Variants in MYO1C observed in about 807,000 individuals in gnomAD.
MYO1C encodes unconventional myosin-Ic.
MYO1C carries 104 observed loss-of-function variants against 150.8 expected under a neutral mutation model. That is an observed-to-expected ratio of 0.69 (90% CI 0.59 to 0.81). The LOEUF (loss-of-function observed/expected upper bound fraction) is 0.81, where lower values mean the gene tolerates loss of function less well. Among genes scored for constraint, MYO1C ranks in the 30% least tolerant of loss-of-function variants. MYO1C has a pLI of 0.00. For synonymous variants in MYO1C, 663 were observed against 579.9 expected (o/e 1.14, Z -2.06); for missense variants, 1,504 against 1,435.0 (o/e 1.05, Z -0.78).
In MYO1C at chr17:1,474,991, C is replaced by G; in HGVS notation, c.1616G>C (p.Arg539Pro). The G allele has an allele frequency of 6.4e-7, 1 of 1,556,956 alleles. No individual in the cohort carries two copies. The highest frequency in any genetic ancestry group is 8.7e-7 in the Non-Finnish European group (1 of 1,149,874). ...ADQRTRKSLG[R>P]GEFRLLHYAG... is the part of the protein sequence containing the mutation. ...ATAGTGCAGAAGGCGGAATTCCCCT[C>G]GGCCCAGAGATTTCCTGGTCCGCTG... The change falls in exon 15 of 32, where the codon CGA (arginine) becomes CCA (proline). Residue 539 changes from arginine to proline, a missense_variant. Arg to Pro is a moderately radical substitution (Grantham distance 103). Transcript: ENST00000648651.
At chr17:1,475,278 G>A (rs1434672160) in intron 14 of MYO1C, among the ~76,000 whole-genome samples, 3 of 152,182 alleles carry the variant, frequency 2.0e-5, no homozygotes, top group African/African-American at 7.2e-5. Flanking sequence ...AATTAGCCAG[G>A]CGTGGTGGTG....
At chr17:1,476,028 G>A (rs1166734949) in intron 14 of MYO1C, among the ~76,000 whole-genome samples, 1 of 152,214 alleles carries the variant, frequency 6.6e-6, no homozygotes, top group Non-Finnish European at 1.5e-5. Flanking sequence ...GCCTTTGGGC[G>A]ACGGGATCAC....
At chr17:1,476,669 A>G (rs997449503) in intron 14 of MYO1C, among the ~76,000 whole-genome samples, 2 of 152,192 alleles carry the variant, frequency 1.3e-5, no homozygotes, top group African/African-American at 4.8e-5. Context: ...CGACATGCAC[A>G]GCATGCATCA....
At chr17:1,475,388 C>CA (rs150952126) in intron 14 of MYO1C, among the ~76,000 whole-genome samples, 3,728 of 147,056 alleles carry the variant, frequency 0.025, 142 homozygotes, top group African/African-American at 0.085. Flanking sequence ...CACTACACTC[C>CA]AAAAAAAAAA....
Position 1,470,225 on chromosome 17 carries a change from G to A in MYO1C, c.2476C>T (p.Gln826Ter), listed in dbSNP as rs373290454. Residue 826 changes from glutamine to a stop codon, truncating the protein, a stop_gained, in exon 24 of 32, where the codon CAG (glutamine) becomes TAG (stop). Transcript: ENST00000648651. LOFTEE classifies it high-confidence loss of function. Reference sequence around the variant, plus strand: ...GGCCACGAGGTGTCCAGGACATTCTGGGGCAGCTGCCGCCTCAGGTTTAGC... The same window carrying A: ...GGCCACGAGGTGTCCAGGACATTCTAGGGCAGCTGCCGCCTCAGGTTTAGC... ...FLLNLRRQLP[Q>*]NVLDTSWPTP... is the part of the protein sequence containing the mutation. The A allele has an allele frequency of 4.3e-6, 7 of 1,610,772 alleles. No homozygotes were observed. Among genetic ancestry groups the A allele is most frequent in the South Asian group, 3.3e-5 (3 of 90,696 alleles).
At chr17:1,477,847 C>T (rs1337509863) in intron 13 of MYO1C, 44 bp downstream of exon 13, 3 of 1,554,126 alleles carry the variant, frequency 1.9e-6, no homozygotes, top group African/African-American at 2.7e-5. Context: ...GACATCCTCC[C>T]ACCCAGCCTC....
chr17:1,478,280 G>C lies in MYO1C; in HGVS notation c.1296-88C>G. 7 of 1,555,710 alleles carry C rather than the reference G, an allele frequency of 4.5e-6. No individual in the cohort carries two copies. The highest frequency in any genetic ancestry group is 6.2e-6 in the Non-Finnish European group (7 of 1,127,986). ...AGCTGGACGACGCCCCTGAGCACAG[G>C]AGGTGAGAAACACAGAGACAGTCCC... On this transcript the variant is annotated intron_variant, in intron 11 of 31. Coordinates refer to ENST00000648651, the MANE Select transcript of MYO1C (RefSeq NM_001080779.2). This position sits in a 1 kb window ranked among gnomAD's most constrained non-coding sequence, Gnocchi z 6.3.
chr17:1,472,343 C>T (rs2074322526), intron 17 of MYO1C, 115 bp from the exon 18 acceptor site: 1 of 837,146 alleles, frequency 1.2e-6, no homozygotes, highest in South Asian at 1.6e-5. Context: ...CTGATTCTGC[C>T]TGGTCCTTAC....
intron 7 of MYO1C, 55 bp downstream of exon 7, chr17:1,480,472 A>G (rs1598339789): frequency 3.5e-6 from 5 of 1,408,724 alleles, no homozygotes; most frequent in Non-Finnish European, 4.0e-6. Context: ...CAAAAAAAAA[A>G]GGAGATTTTG....
Position 1,465,480 on chromosome 17 carries a change from AGGGCTGGCATGGCTCGCTCT to A in MYO1C, c.*226_*245del, listed in dbSNP as rs1002416367. 34 of 395,084 alleles carry A rather than the reference AGGGCTGGCATGGCTCGCTCT, an allele frequency of 8.6e-5. No homozygotes were observed. Among genetic ancestry groups the A allele is most frequent in the African/African-American group, 6.2e-4 (30 of 48,660 alleles). The allele number at this position is 395,084 out of a possible 1,614,324, so 24.5% of individuals were successfully genotyped here. On this transcript the variant is annotated 3_prime_UTR_variant, in exon 32 of 32. Coordinates refer to ENST00000648651, the MANE Select transcript of MYO1C (RefSeq NM_001080779.2). ...CTCTCAAATATTTGGCATCGGCAGTAGGGCTGGCATGGCTCGCTCTGGCCCTGGCTTTCCTATTGCTGTGG... is the reference window on the plus strand; with the variant it reads ...CTCTCAAATATTTGGCATCGGCAGTAGGCCCTGGCTTTCCTATTGCTGTGG...
intron 14 of MYO1C, among the ~76,000 whole-genome samples, chr17:1,477,063 T>C (rs564820435): frequency 6.6e-6 from 1 of 151,914 alleles, no homozygotes; most frequent in Non-Finnish European, 1.5e-5. Context: ...CGTTTTGAAC[T>C]CCTAACCTAA....
At chr17:1,467,125 G>C in intron 31 of MYO1C, 117 bp downstream of exon 31, 1 of 948,428 alleles carries the variant, frequency 1.1e-6, no homozygotes, top group East Asian at 2.6e-5. Flanking sequence ...TGGAAGAGGT[G>C]GTATGATGGC....
Position 1,467,509 on chromosome 17 carries a change from G to C in MYO1C, c.3036C>G (p.Arg1012=). 1 of 1,613,204 alleles carries C rather than the reference G, an allele frequency of 6.2e-7. No individual in the cohort carries two copies. Among genetic ancestry groups the C allele is most frequent in the East Asian group, 2.2e-5 (1 of 44,832 alleles). Residue 1012 remains arginine (R), a synonymous_variant, in exon 30 of 32, where the codon CGC becomes CGG. Transcript: ENST00000648651. ...TLTKTALSAN[R]VNSININQGS... is the part of the protein sequence containing the mutation. ...CCTGGTTGATGTTGATGCTGTTCAC[G>C]CGGTTGGCACTGAGGGCTGTCTTGG...
chr17:1,470,005 C>T (rs777563527), intron 24 of MYO1C, among the ~76,000 whole-genome samples, 170 bp downstream of exon 24: 1 of 151,658 alleles, frequency 6.6e-6, no homozygotes, highest in Non-Finnish European at 1.5e-5. Context: ...ACTCCCTGGG[C>T]GAAAGTGTGA....
intron 3 of MYO1C, 150 bp from the exon 4 acceptor site, chr17:1,483,209 T>C (rs887424549): frequency 1.3e-6 from 1 of 782,252 alleles, no homozygotes; most frequent in South Asian, 1.8e-5. Context: ...GTGTGGGCCA[T>C]GGGAGATCCG....
intron 1 of MYO1C, chr17:1,491,378 C>G (rs985610280): frequency 1.3e-5 from 2 of 158,786 alleles, no homozygotes; most frequent in African/African-American, 4.8e-5. Context: ...GCCGCTCTTC[C>G]CCGCCTCCCG....
At position 1,470,259 on chromosome 17, in the gene MYO1C, G is replaced by A; in HGVS notation, c.2442C>T (p.Thr814=). 1 of 1,606,114 alleles carries A rather than the reference G, an allele frequency of 6.2e-7. No individual in the cohort carries two copies. Among genetic ancestry groups the A allele is most frequent in the Non-Finnish European group, 8.5e-7 (1 of 1,176,906 alleles). ...GCCGCCTCAGGTTTAGCAAAAAAGAGGTGCGCACATGGTCCAGGAAGAAGG... is the reference window on the plus strand; with the variant it reads ...GCCGCCTCAGGTTTAGCAAAAAAGAAGTGCGCACATGGTCCAGGAAGAAGG... ...ENAFFLDHVR[T]SFLLNLRRQL... is the part of the protein sequence containing the mutation. The change falls in exon 24 of 32, where the codon ACC becomes ACT. Residue 814 remains threonine, a synonymous_variant. Coordinates refer to ENST00000648651, the MANE Select transcript of MYO1C (RefSeq NM_001080779.2).
chr17:1,490,126 C>CTGGTCATCA (rs1386006099), intron 1 of MYO1C, among the ~76,000 whole-genome samples: 5 of 151,808 alleles, frequency 3.3e-5, no homozygotes, highest in Non-Finnish European at 7.4e-5. Flanking sequence ...ACTGTTTGAG[C>CTGGTCATCA]TGGTCATCAC....
intron 7 of MYO1C, 49 bp downstream of exon 7, chr17:1,480,478 T>G: frequency 6.9e-7 from 1 of 1,455,156 alleles, no homozygotes; most frequent in Admixed American, 1.7e-5. Flanking sequence ...AAAAAGGAGA[T>G]TTTGGGGGTG....
Sources: allele counts gnomAD v4.1 joint callset (sites outside exome capture counted in the v4.1 genomes callset), GRCh38; gene constraint gnomAD v4.1.1; non-coding constraint Gnocchi (gnomAD v3.1); transcripts MANE v1.5; gene names NCBI Gene and HGNC (gene_info 2026-07-23, HGNC 2026-07-21).